GALNT18: variants seen among roughly 807,000 people sequenced by gnomAD.
The protein encoded by GALNT18 is GalNAc-transferase 18.
GALNT18 carries 44 observed loss-of-function variants against 69.5 expected under a neutral mutation model. The ratio of observed to expected loss-of-function variants is 0.63; its 90% CI spans 0.50 to 0.81. The LOEUF (loss-of-function observed/expected upper bound fraction) is 0.81, where lower values mean the gene tolerates loss of function less well. Ranked by LOEUF, GALNT18 falls within the 40% of genes least tolerant of loss-of-function variation. The pLI is 0.00. For missense variants in GALNT18, 715 were observed against 810.0 expected (o/e 0.88, Z 1.42); for synonymous variants, 364 against 318.2 (o/e 1.14, Z -1.53).
At chr11:11,397,858 T>A (rs1854371346) in intron 3 of GALNT18, among the ~76,000 whole-genome samples, 1 of 152,154 alleles carries the variant, frequency 6.6e-6, no homozygotes, top group Admixed American at 6.5e-5. Flanking sequence ...TTAGAACAGT[T>A]AAGAAGATGA....
rs536280915 is a variant in GALNT18 at position 11,459,096 on chromosome 11, T to C, written c.236-10160A>G. On this transcript the variant is annotated intron_variant, in intron 1 of 10. Coordinates refer to ENST00000227756, the MANE Select transcript of GALNT18 (RefSeq NM_198516.3). The surrounding 1 kb of genome is among the most constrained non-coding windows in gnomAD (Gnocchi z 5.0). ...TGATTAGGCTCCCAAAGGACAATTTTCAGATTTTTGAAAACATCCTTGAAT... is the reference window on the plus strand; with the variant it reads ...TGATTAGGCTCCCAAAGGACAATTTCCAGATTTTTGAAAACATCCTTGAAT... Among the ~76,000 whole-genome samples, 1 of 152,212 alleles carries C rather than the reference T, an allele frequency of 6.6e-6. No individual in the cohort carries two copies. Among genetic ancestry groups the C allele is most frequent in the Non-Finnish European group, 1.5e-5 (1 of 68,036 alleles).
intron 9 of GALNT18, among the ~76,000 whole-genome samples, chr11:11,316,896 C>G (rs551089407): frequency 6.6e-6 from 1 of 152,330 alleles, no homozygotes; most frequent in South Asian, 2.1e-4. Flanking sequence ...GGGACTTGGG[C>G]AAAGCTGCCT....
intron 1 of GALNT18, among the ~76,000 whole-genome samples, chr11:11,449,260 A>T (rs1392738278): frequency 6.6e-6 from 1 of 152,042 alleles, no homozygotes; most frequent in Non-Finnish European, 1.5e-5. Flanking sequence ...CCTGCCAGAG[A>T]TGTTGGCCCC....
chr11:11,333,343 AAT>A (rs1850052168), intron 7 of GALNT18, among the ~76,000 whole-genome samples: 1 of 152,118 alleles, frequency 6.6e-6, no homozygotes. Flanking sequence ...TGAGACATGC[AAT>A]ATATATATTT....
intron 1 of GALNT18, among the ~76,000 whole-genome samples, chr11:11,610,972 G>A (rs560318092): frequency 3.9e-5 from 6 of 152,186 alleles, no homozygotes; most frequent in Admixed American, 3.9e-4. Context: ...AACTGCAATA[G>A]AGAAACCAGA....
At chr11:11,506,969 C>T (rs980988219) in intron 1 of GALNT18, among the ~76,000 whole-genome samples, 9 of 152,174 alleles carry the variant, frequency 5.9e-5, no homozygotes, top group Non-Finnish European at 1.0e-4. Flanking sequence ...GGACAAAACC[C>T]TTCAGGGTCG....
chr11:11,291,418 G>A (rs755153042), intron 10 of GALNT18, among the ~76,000 whole-genome samples: 4 of 152,182 alleles, frequency 2.6e-5, no homozygotes, highest in Non-Finnish European at 5.9e-5. Context: ...GAGGTCAGGT[G>A]GTACCTATCA....
chr11:11,457,877 C>G (rs1259472055), intron 1 of GALNT18, among the ~76,000 whole-genome samples: 1 of 152,232 alleles, frequency 6.6e-6, no homozygotes, highest in Non-Finnish European at 1.5e-5. Context: ...ACTGCTATTT[C>G]TCTTTCTGCC....
At chr11:11,566,180 A>C (rs1858647131) in intron 1 of GALNT18, among the ~76,000 whole-genome samples, 1 of 152,238 alleles carries the variant, frequency 6.6e-6, no homozygotes, top group African/African-American at 2.4e-5. Flanking sequence ...ACAGGTTGGG[A>C]AACTTTTTCT....
In GALNT18 at chr11:11,617,032, A is replaced by C. The variant is rs1268406751; in HGVS notation, c.235+4327T>G. Among the ~76,000 whole-genome samples the C allele has an allele frequency of 1.3e-5, 2 of 152,224 alleles. No homozygotes were observed. The highest frequency in any genetic ancestry group is 1.5e-5 in the Non-Finnish European group (1 of 68,042). On this transcript the variant is annotated intron_variant, in intron 1 of 10. Transcript: ENST00000227756. The surrounding 1 kb of genome is among the most constrained non-coding windows in gnomAD (Gnocchi z 4.7). ...CTGAGACTGCTTCATAAGCACCTTT[A>C]AGTTTCCAATGAATTTTAAAGAAAA...
chr11:11,507,810 C>T (rs985908649), intron 1 of GALNT18, among the ~76,000 whole-genome samples: 2 of 152,084 alleles, frequency 1.3e-5, no homozygotes, highest in African/African-American at 4.8e-5. Flanking sequence ...CCGGGTGGGC[C>T]CCATCTAATC....
At chr11:11,474,010 A>G (rs1199023896) in intron 1 of GALNT18, among the ~76,000 whole-genome samples, 2 of 152,216 alleles carry the variant, frequency 1.3e-5, no homozygotes, top group African/African-American at 4.8e-5. Flanking sequence ...GGTTGTAGTG[A>G]GCCCAGATCC....
At chr11:11,308,207 G>T (rs997401121) in intron 9 of GALNT18, among the ~76,000 whole-genome samples, 1 of 152,208 alleles carries the variant, frequency 6.6e-6, no homozygotes, top group Non-Finnish European at 1.5e-5. Context: ...GGCGTGGCAG[G>T]AAGAACCTCG....
At chr11:11,437,154 G>A (rs191237850) in intron 2 of GALNT18, among the ~76,000 whole-genome samples, 1 of 152,282 alleles carries the variant, frequency 6.6e-6, no homozygotes, top group African/African-American at 2.4e-5. Context: ...AGAGCTCTGG[G>A]AGTCACACTC....
At chr11:11,548,797 C>A (rs1438403099) in intron 1 of GALNT18, among the ~76,000 whole-genome samples, 1 of 152,238 alleles carries the variant, frequency 6.6e-6, no homozygotes, top group African/African-American at 2.4e-5. Context: ...ATTAACAGAT[C>A]TCTATGCTGA....
chr11:11,480,777 G>T lies in GALNT18; in HGVS notation c.236-31841C>A, dbSNP rs570604667. Reference sequence around the variant, plus strand: ...GCGTGCTCTACAGAACCCTAGTTCCGTGCAGAGTTATTAAGTGCTATGTGA... The same window carrying T: ...GCGTGCTCTACAGAACCCTAGTTCCTTGCAGAGTTATTAAGTGCTATGTGA... On this transcript the variant is annotated intron_variant, in intron 1 of 10. Coordinates refer to ENST00000227756, the MANE Select transcript of GALNT18 (RefSeq NM_198516.3). This position sits in a 1 kb window ranked among gnomAD's most constrained non-coding sequence, Gnocchi z 4.6. Among the ~76,000 whole-genome samples, 2 of 152,162 alleles carry T rather than the reference G, an allele frequency of 1.3e-5. No homozygotes were observed. Among genetic ancestry groups the T allele is most frequent in the South Asian group, 4.1e-4 (2 of 4,820 alleles).
At position 11,546,147 on chromosome 11, in the gene GALNT18, G is replaced by A. The variant is rs1464139433; in HGVS notation, c.235+75212C>T. Among the ~76,000 whole-genome samples the A allele has an allele frequency of 6.6e-6, 1 of 152,068 alleles. No homozygotes were observed. The highest frequency in any genetic ancestry group is 1.5e-5 in the Non-Finnish European group (1 of 68,014). On this transcript the variant is annotated intron_variant, in intron 1 of 10. Coordinates refer to ENST00000227756, the MANE Select transcript of GALNT18 (RefSeq NM_198516.3). The surrounding 1 kb of genome is among the most constrained non-coding windows in gnomAD (Gnocchi z 5.8). ...TCTGAGCCCTGGTATCCCTGAGAAGGCTTACAAGCCCAAAGTGAGCCAGTT... is the reference window on the plus strand; with the variant it reads ...TCTGAGCCCTGGTATCCCTGAGAAGACTTACAAGCCCAAAGTGAGCCAGTT...
chr11:11,419,118 T>C (rs1372451102), intron 3 of GALNT18, among the ~76,000 whole-genome samples: 2 of 152,188 alleles, frequency 1.3e-5, no homozygotes, highest in Admixed American at 6.5e-5. Flanking sequence ...ACGCAGGCCA[T>C]GCCCTCTTTG....
At position 11,454,529 on chromosome 11, in the gene GALNT18, A is replaced by G. The variant is rs547977183; in HGVS notation, c.236-5593T>C. On this transcript the variant is annotated intron_variant, in intron 1 of 10. Coordinates refer to ENST00000227756, the MANE Select transcript of GALNT18 (RefSeq NM_198516.3). This position sits in a 1 kb window ranked among gnomAD's most constrained non-coding sequence, Gnocchi z 4.2. ...TTGCCTCTCTCTCTCTCTCTCTTTC[A>G]AATCTCACCAAGTAAGGCTCAGAAT... is the stretch of plus-strand genomic sequence containing the variant. Among the ~76,000 whole-genome samples, 10 of 151,524 alleles carry G rather than the reference A, an allele frequency of 6.6e-5. No individual in the cohort carries two copies. The highest frequency in any genetic ancestry group is 2.4e-4 in the African/African-American group (10 of 41,240).
Sources: gnomAD v4.1 joint callset for allele counts (sites outside exome capture counted in the v4.1 genomes callset) on GRCh38, gnomAD v4.1.1 for gene constraint, Gnocchi (gnomAD v3.1) non-coding constraint, MANE v1.5 for transcripts, NCBI Gene and HGNC (gene_info 2026-07-23, HGNC 2026-07-21) for gene names.